The following ZNF536 variants were observed in gnomAD, a reference collection of about 807,000 sequenced individuals.
The protein encoded by ZNF536 is zinc finger protein 536.
Under a neutral mutation model 84.5 loss-of-function variants are expected in ZNF536, and 13 were observed. The ratio of observed to expected loss-of-function variants is 0.15; its 90% CI spans 0.10 to 0.24. The LOEUF is 0.24. Among genes scored for constraint, ZNF536 ranks in the 10% least tolerant of loss-of-function variants. The pLI, the probability that ZNF536 is intolerant of heterozygous loss-of-function variation, is 1.00. For missense variants in ZNF536, 1,536 were observed against 1,747.5 expected, an observed-to-expected ratio of 0.88 and a Z score of 2.16; for synonymous variants, 811 against 742.5, an observed-to-expected ratio of 1.09 and a Z score of -1.50.
At chr19:30,678,951 A>C (rs1348305495) in intron 1 of ZNF536, among the ~76,000 whole-genome samples, 1 of 152,064 alleles carries the variant, frequency 6.6e-6, no homozygotes, top group African/African-American at 2.4e-5. Flanking sequence ...GAAATGAATA[A>C]AATAAAATAA....
At chr19:30,532,900 G>C (rs918183579) in intron 2 of ZNF536, among the ~76,000 whole-genome samples, 10 of 152,200 alleles carry the variant, frequency 6.6e-5, no homozygotes, top group African/African-American at 2.4e-4. Context: ...CATTTGCCCT[G>C]ATCAATAAGC....
At chr19:30,489,446 G>A (rs576689815) in intron 2 of ZNF536, among the ~76,000 whole-genome samples, 6 of 152,212 alleles carry the variant, frequency 3.9e-5, no homozygotes, top group African/African-American at 1.4e-4. Flanking sequence ...GCGAGGTGTG[G>A]TGGTGCATGT....
At chr19:30,565,664 C>T (rs2046324190) in intron 1 of ZNF536, among the ~76,000 whole-genome samples, 1 of 152,130 alleles carries the variant, frequency 6.6e-6, no homozygotes, top group African/African-American at 2.4e-5. Flanking sequence ...CTGTACACAA[C>T]AGGTGATTTT....
At chr19:30,670,037 C>T (rs1484724149) in intron 1 of ZNF536, among the ~76,000 whole-genome samples, 1 of 152,212 alleles carries the variant, frequency 6.6e-6, no homozygotes, top group African/African-American at 2.4e-5. Flanking sequence ...CCTTTCCCCT[C>T]ATCCTGCCCA....
chr19:30,239,530 A>G (rs1209130026), intron 1 of ZNF536, among the ~76,000 whole-genome samples: 1 of 152,222 alleles, frequency 6.6e-6, no homozygotes, highest in South Asian at 2.1e-4. Flanking sequence ...ATCGACAGTC[A>G]TGAGACAGAC....
At position 30,608,417 on chromosome 19, in the gene ZNF536, A is replaced by G. The variant is rs1231701405; in HGVS notation, c.169+58903A>G. On this transcript the variant is annotated intron_variant, in intron 1 of 1. Transcript: ENST00000592773. ...CATCTGCAGATGTGAGACCCGGGAGACTTGTGTAGGGTGATATGATGCATA... is the reference window on the plus strand; with the variant it reads ...CATCTGCAGATGTGAGACCCGGGAGGCTTGTGTAGGGTGATATGATGCATA... 3.3e-5 allele frequency among the ~76,000 whole-genome samples: 5 copies of G among 152,054 alleles called. No individual in the cohort carries two copies. The South Asian group carries it at 6.2e-4, about 19-fold the overall frequency.
intron 1 of ZNF536, among the ~76,000 whole-genome samples, chr19:30,654,040 C>T (rs1276919968): frequency 6.6e-6 from 1 of 152,180 alleles, no homozygotes; most frequent in Non-Finnish European, 1.5e-5. Flanking sequence ...CTAGTTCTCA[C>T]AAGCAAGCCA....
chr19:30,655,204 A>G, intron 1 of ZNF536, among the ~76,000 whole-genome samples: 1 of 152,222 alleles, frequency 6.6e-6, no homozygotes, highest in East Asian at 1.9e-4. Flanking sequence ...AAGACAGAGT[A>G]AAATCAGCAC....
chr19:30,645,708 A>G (rs1227561261), intron 1 of ZNF536, among the ~76,000 whole-genome samples: 4 of 152,310 alleles, frequency 2.6e-5, no homozygotes, highest in South Asian at 4.1e-4. Context: ...TCATAACTTT[A>G]TAAGTGTCAA....
chr19:30,303,793 G>A (rs899902352), intron 2 of ZNF536, among the ~76,000 whole-genome samples: 12 of 152,248 alleles, frequency 7.9e-5, no homozygotes, highest in African/African-American at 2.9e-4. Context: ...ATGCCCAGCC[G>A]ACACTTTTTT....
rs533472913 is a variant in ZNF536, at chr19:30,232,779, C to T, written c.-190+4106C>T. Among the ~76,000 whole-genome samples, 27 of 152,306 alleles carry T rather than the reference C, an allele frequency of 1.8e-4. No individual in the cohort carries two copies. In the South Asian group the frequency reaches 5.6e-3, roughly 32 times the overall value. On this transcript the variant is annotated intron_variant, in intron 1 of 5. Transcript: ENST00000585628. ...ATGAACCTGGGCATCATTTCTCCAG[C>T]TCAGGGCACTCGTGGGAGTCCGTGC...
chr19:30,421,866 A>T (rs1239963575), intron 1 of ZNF536, among the ~76,000 whole-genome samples: 1 of 152,262 alleles, frequency 6.6e-6, no homozygotes, highest in Non-Finnish European at 1.5e-5. Flanking sequence ...AGGCAGCAGT[A>T]TTCAGCCAGA....
intron 1 of ZNF536, among the ~76,000 whole-genome samples, chr19:30,405,051 A>G (rs944768915): frequency 6.6e-6 from 1 of 152,204 alleles, no homozygotes; most frequent in South Asian, 2.1e-4. Flanking sequence ...TGTATGGGGC[A>G]TGGTGGGGAG....
chr19:30,388,301 G>T (rs1167106935), intron 1 of ZNF536, among the ~76,000 whole-genome samples: 1 of 152,158 alleles, frequency 6.6e-6, no homozygotes, highest in Non-Finnish European at 1.5e-5. Flanking sequence ...GTTGAGGGAG[G>T]TCATGTGACT....
intron 1 of ZNF536, among the ~76,000 whole-genome samples, chr19:30,400,720 C>T (rs57991535): frequency 0.08 from 12,156 of 152,126 alleles, 1,654 homozygotes; most frequent in African/African-American, 0.28. Context: ...TGTGAGCTAC[C>T]ATGCCTGGCC....
chr19:30,424,604 G>C (rs754369423), intron 1 of ZNF536, among the ~76,000 whole-genome samples: 4 of 152,022 alleles, frequency 2.6e-5, no homozygotes, highest in African/African-American at 7.3e-5. Context: ...GAGGGGATGA[G>C]GAGGGGAGGA....
intron 1 of ZNF536, among the ~76,000 whole-genome samples, chr19:30,710,446 G>A (rs2052417374): frequency 2.6e-5 from 4 of 152,276 alleles, no homozygotes; most frequent in Middle Eastern, 3.4e-3. Flanking sequence ...AGGCTAAGGC[G>A]GGAGGATGGC....
chr19:30,435,101 GTGA>G (rs1407741384), intron 1 of ZNF536, among the ~76,000 whole-genome samples: 5 of 149,450 alleles, frequency 3.3e-5, no homozygotes, highest in Non-Finnish European at 7.4e-5. Context: ...TCATGATGGT[GTGA>G]TGATGATGGT....
intron 2 of ZNF536, among the ~76,000 whole-genome samples, chr19:30,322,105 T>C (rs1472968355): frequency 6.6e-6 from 1 of 152,154 alleles, no homozygotes; most frequent in African/African-American, 2.4e-5. Context: ...CATTTTTCCA[T>C]ATATATAATC....
Sources: gnomAD v4.1 joint callset for allele counts (sites outside exome capture counted in the v4.1 genomes callset) on GRCh38, gnomAD v4.1.1 for gene constraint, MANE v1.5 for transcripts, NCBI Gene and HGNC (gene_info 2026-07-23, HGNC 2026-07-21) for gene names.